SEMA5A: variants seen among roughly 807,000 people sequenced by gnomAD.
SEMA5A encodes the protein semaphorin-5A.
A neutral mutation model predicts 135.5 loss-of-function variants in SEMA5A; 55 were observed. The observed-to-expected ratio is 0.41, with a 90% CI of 0.33 to 0.51. The LOEUF is 0.51. SEMA5A is among the 20% of genes least tolerant of loss of function. The probability of loss-of-function intolerance (pLI) is 0.37; values close to 1 mark genes in which losing one functional copy is unlikely to be tolerated. For missense variants in SEMA5A, 1,290 were observed against 1,419.9 expected (o/e 0.91, Z 1.47); for synonymous variants, 580 against 546.5 (o/e 1.06, Z -0.85).
At chr5:9,294,938 A>G (rs1310062091) in intron 5 of SEMA5A, among the ~76,000 whole-genome samples, 1 of 152,036 alleles carries the variant, frequency 6.6e-6, no homozygotes, top group African/African-American at 2.4e-5. Flanking sequence ...TCCCACTGTA[A>G]TCCTCACCAT....
At chr5:9,544,714 T>A (rs1031960865) in intron 1 of SEMA5A, among the ~76,000 whole-genome samples, 2 of 152,086 alleles carry the variant, frequency 1.3e-5, no homozygotes, top group African/African-American at 4.8e-5. Flanking sequence ...GGCCGCGGCA[T>A]CCTGGTACAA....
At chr5:9,285,907 T>C (rs1750771870) in intron 5 of SEMA5A, among the ~76,000 whole-genome samples, 1 of 152,254 alleles carries the variant, frequency 6.6e-6, no homozygotes, top group Non-Finnish European at 1.5e-5. Context: ...TTTATAATGT[T>C]TCTGACACAA....
chr5:9,320,165 C>A (rs1418797866), intron 4 of SEMA5A, among the ~76,000 whole-genome samples: 1 of 151,672 alleles, frequency 6.6e-6, no homozygotes, highest in Non-Finnish European at 1.5e-5. Context: ...CAAACCACAG[C>A]AATAGTCTCC....
chr5:9,154,621 G>T lies in SEMA5A; in HGVS notation c.1348C>A (p.Leu450Ile). 6.2e-7 allele frequency: 1 copy of T among 1,614,106 alleles called. No homozygotes were observed. The highest frequency in any genetic ancestry group is 1.7e-5 in the Admixed American group (1 of 60,022). ...GGCTCCCTCCGCCTCTCAGGGAAGA[G>T]CTCAATCTCTTCCAGCAAACAGCTG... Reference protein sequence around the residue: ...SSSCLLEEIELFPERRREPIR... With the variant: ...SSSCLLEEIEIFPERRREPIR... The change falls in exon 12 of 23, where the codon CTC becomes ATC. Residue 450 changes from leucine (L) to isoleucine (I), a missense_variant. Around this residue, in one of 3 missense-constraint regions of SEMA5A, gnomAD observed 1,029 missense variants for 1,086.6 expected, o/e 0.95. Coordinates refer to ENST00000382496, the MANE Select transcript of SEMA5A (RefSeq NM_003966.3).
intron 1 of SEMA5A, among the ~76,000 whole-genome samples, chr5:9,443,350 A>T (rs268528): frequency 6.6e-6 from 1 of 151,780 alleles, no homozygotes; most frequent in Non-Finnish European, 1.5e-5. Flanking sequence ...GAGAGGGGAG[A>T]GGGGAGGAAG....
At chr5:9,335,091 G>A (rs1753324047) in intron 4 of SEMA5A, among the ~76,000 whole-genome samples, 1 of 152,100 alleles carries the variant, frequency 6.6e-6, no homozygotes, top group Non-Finnish European at 1.5e-5. Context: ...GGGACGCTGG[G>A]ATGGACACTC....
At chr5:9,165,621 T>C (rs1743564202) in intron 11 of SEMA5A, among the ~76,000 whole-genome samples, 1 of 152,188 alleles carries the variant, frequency 6.6e-6, no homozygotes, top group African/African-American at 2.4e-5. Flanking sequence ...TGGATTCTAT[T>C]TGATTCTCTG....
At position 9,379,848 on chromosome 5, in the gene SEMA5A, G is replaced by A. The variant is rs775559139; in HGVS notation, c.99C>T (p.Thr33=). ...CTTTATAGGAGATGACTGGATGCTC[G>A]GTTCTCTGGCACTGAGTCGTACCCT... ...EAQGTTQCQR[T]EHPVISYKEI... Residue 33 remains threonine (T), a synonymous_variant, in exon 3 of 23, where the codon ACC becomes ACT. Transcript: ENST00000382496. 24 of 1,613,684 alleles carry A rather than the reference G, an allele frequency of 1.5e-5. No individual in the cohort carries two copies. The highest frequency in any genetic ancestry group is 1.6e-5 in the Non-Finnish European group (19 of 1,179,946).
At chr5:9,536,062 A>C (rs1737747700) in intron 1 of SEMA5A, among the ~76,000 whole-genome samples, 1 of 152,188 alleles carries the variant, frequency 6.6e-6, no homozygotes, top group African/African-American at 2.4e-5. Flanking sequence ...CCCACAGCAA[A>C]GTGGCCAGAT....
At chr5:9,067,520 A>G (rs1330363115) in intron 16 of SEMA5A, among the ~76,000 whole-genome samples, 1 of 152,228 alleles carries the variant, frequency 6.6e-6, no homozygotes, top group Non-Finnish European at 1.5e-5. Flanking sequence ...CCACAGGATT[A>G]AAGATTTTTA....
At chr5:9,125,809 T>C (rs1324223208) in intron 13 of SEMA5A, among the ~76,000 whole-genome samples, 2 of 151,138 alleles carry the variant, frequency 1.3e-5, no homozygotes, top group Non-Finnish European at 3.0e-5. Context: ...CAGAAGATTC[T>C]GTGTTAAAGA....
chr5:9,162,200 T>A (rs148482260), intron 11 of SEMA5A, among the ~76,000 whole-genome samples: 1 of 152,176 alleles, frequency 6.6e-6, no homozygotes, highest in African/African-American at 2.4e-5. Context: ...CTTTTATGAA[T>A]AACCCTGACT....
chr5:9,301,859 A>G (rs945817604), intron 5 of SEMA5A, among the ~76,000 whole-genome samples: 1 of 152,078 alleles, frequency 6.6e-6, no homozygotes, highest in African/African-American at 2.4e-5. Context: ...GCTTAAATCA[A>G]TATGACTTTA....
chr5:9,413,976 T>TTC (rs1757195502), intron 2 of SEMA5A, among the ~76,000 whole-genome samples: 1 of 152,180 alleles, frequency 6.6e-6, no homozygotes, highest in Admixed American at 6.5e-5. Flanking sequence ...ATAAAACTCA[T>TTC]CAGAGAAGCT....
intron 1 of SEMA5A, among the ~76,000 whole-genome samples, chr5:9,529,773 A>C (rs1487987248): frequency 6.6e-6 from 1 of 152,204 alleles, no homozygotes; most frequent in East Asian, 1.9e-4. Context: ...ATTCTACGTG[A>C]AGCTCCTCAA....
At chr5:9,362,486 G>A (rs760351320) in intron 3 of SEMA5A, among the ~76,000 whole-genome samples, 11 of 152,092 alleles carry the variant, frequency 7.2e-5, no homozygotes, top group Non-Finnish European at 1.5e-4. Context: ...ACTACCCTAC[G>A]AGGGCAGAGA....
chr5:9,482,966 C>G (rs1219991160), intron 1 of SEMA5A, among the ~76,000 whole-genome samples: 1 of 152,214 alleles, frequency 6.6e-6, no homozygotes, highest in Non-Finnish European at 1.5e-5. Flanking sequence ...TCATGATGAG[C>G]ACATAGTAAC....
intron 11 of SEMA5A, among the ~76,000 whole-genome samples, chr5:9,173,343 T>C (rs1744030731): frequency 6.6e-6 from 1 of 151,266 alleles, no homozygotes; most frequent in Non-Finnish European, 1.5e-5. Flanking sequence ...ATTTCAGATA[T>C]TCTCAACTTT....
chr5:9,334,960 A>T (rs1437616430), intron 4 of SEMA5A, among the ~76,000 whole-genome samples: 1 of 152,122 alleles, frequency 6.6e-6, no homozygotes, highest in Non-Finnish European at 1.5e-5. Context: ...GACCATGTTG[A>T]TATGCAATGG....
Sources: gnomAD v4.1 joint callset for allele counts (sites outside exome capture counted in the v4.1 genomes callset) on GRCh38, gnomAD v4.1.1 for gene constraint, gnomAD v4.1.1 regional missense constraint, MANE v1.5 for transcripts, NCBI Gene and HGNC (gene_info 2026-07-23, HGNC 2026-07-21) for gene names.